Variants in KCTD16 observed in about 807,000 individuals in gnomAD.
KCTD16 encodes potassium channel tetramerization domain containing 16, also known as BTB/POZ domain-containing protein KCTD16.
KCTD16 carries 13 observed loss-of-function variants against 33.2 expected under a neutral mutation model. The observed-to-expected ratio is 0.39, with a 90% CI of 0.25 to 0.62. KCTD16 has a LOEUF of 0.62. Ranked by LOEUF, KCTD16 falls within the 20% of genes least tolerant of loss-of-function variation. The pLI, the probability that KCTD16 is intolerant of heterozygous loss-of-function variation, is 0.50. For synonymous variants in KCTD16, 197 were observed against 195.3 expected (o/e 1.01, Z -0.07); for missense variants, 441 against 525.1 (o/e 0.84, Z 1.57).
chr5:144,364,658 A>G (rs1751792478), intron 3 of KCTD16, among the ~76,000 whole-genome samples: 2 of 152,252 alleles, frequency 1.3e-5, no homozygotes, highest in South Asian at 2.1e-4. Context: ...TCAGATAACC[A>G]TGTACTGCAA....
chr5:144,286,855 C>T (rs1755759733), intron 3 of KCTD16, among the ~76,000 whole-genome samples: 1 of 151,982 alleles, frequency 6.6e-6, no homozygotes, highest in Non-Finnish European at 1.5e-5. Context: ...GTAGTAATGC[C>T]AGTGGTAGTA....
At chr5:144,333,011 C>T (rs2126892559) in intron 3 of KCTD16, among the ~76,000 whole-genome samples, 1 of 152,214 alleles carries the variant, frequency 6.6e-6, no homozygotes, top group South Asian at 2.1e-4. Context: ...AGACATGCCA[C>T]CATGATTCAG....
chr5:144,482,668 G>A lies in KCTD16; in HGVS notation c.*8554G>A, dbSNP rs972662062. On this transcript the variant is annotated 3_prime_UTR_variant, in exon 4 of 4. Coordinates refer to ENST00000512467, the MANE Select transcript of KCTD16 (RefSeq NM_020768.4). Reference sequence around the variant, plus strand: ...GCAGCTTTAGAAAAGAAACTTCACCGAAATACGTGCATGCATGTGTGAGTG... The same window carrying A: ...GCAGCTTTAGAAAAGAAACTTCACCAAAATACGTGCATGCATGTGTGAGTG... 2 of 151,624 alleles carry A rather than the reference G, an allele frequency of 1.3e-5. No homozygotes were observed. 9.4% of individuals were successfully genotyped at this position (151,624 alleles called of 1,614,324 possible).
In KCTD16 at chr5:144,188,533, C is replaced by T. The variant is rs1895146; in HGVS notation, c.-327+14061C>T. ...GTTAGTAGGTAGGACATTTCAACCT[C>T]TGGCAAATTTGTCATTGAGCAGCAT... On this transcript the variant is annotated intron_variant, in intron 2 of 3. Coordinates refer to ENST00000512467, the MANE Select transcript of KCTD16 (RefSeq NM_020768.4). 4.4e-3 allele frequency among the ~76,000 whole-genome samples: 668 copies of T among 152,300 alleles called. 17 individuals are homozygous for T. Among genetic ancestry groups the T allele is most frequent in the Admixed American group, 0.04 (608 of 15,302 alleles).
chr5:144,352,050 GTATA>G (rs1751452792), intron 3 of KCTD16, among the ~76,000 whole-genome samples: 1 of 152,118 alleles, frequency 6.6e-6, no homozygotes, highest in Non-Finnish European at 1.5e-5. Flanking sequence ...AAAAAAATAA[GTATA>G]TGTGTTCGTG....
intron 3 of KCTD16, among the ~76,000 whole-genome samples, chr5:144,467,258 G>A (rs1303614948): frequency 6.6e-6 from 1 of 151,262 alleles, no homozygotes; most frequent in African/African-American, 2.4e-5. Flanking sequence ...CCATTCTAAT[G>A]TCTTTTGCAT....
intron 3 of KCTD16, among the ~76,000 whole-genome samples, chr5:144,392,912 A>G (rs1297705966): frequency 6.6e-6 from 1 of 152,146 alleles, no homozygotes; most frequent in Non-Finnish European, 1.5e-5. Flanking sequence ...ATGGCATAAG[A>G]AGGGAGTACA....
chr5:144,199,327 G>T (rs1321924817), intron 2 of KCTD16, among the ~76,000 whole-genome samples: 3 of 152,132 alleles, frequency 2.0e-5, no homozygotes, highest in Non-Finnish European at 4.4e-5. Flanking sequence ...AGTACATAGA[G>T]CAGACATAAA....
intron 3 of KCTD16, among the ~76,000 whole-genome samples, chr5:144,427,270 A>T: frequency 6.6e-6 from 1 of 152,116 alleles, no homozygotes; most frequent in South Asian, 2.1e-4. Flanking sequence ...GGGGGTGAGT[A>T]TCTTGATCTT....
chr5:144,316,521 T>C (rs1751917805), intron 3 of KCTD16, among the ~76,000 whole-genome samples: 1 of 150,410 alleles, frequency 6.6e-6, no homozygotes, highest in African/African-American at 2.4e-5. Context: ...TTTTTTTTTT[T>C]TTTTTTGAGA....
chr5:144,211,258 A>T (rs568519899), intron 3 of KCTD16, among the ~76,000 whole-genome samples: 175 of 152,278 alleles, frequency 1.1e-3, no homozygotes, highest in Non-Finnish European at 2.1e-3. Context: ...GCTTGACTTT[A>T]ACAAGCTTCA....
At chr5:144,375,062 G>T (rs1376767500) in intron 3 of KCTD16, among the ~76,000 whole-genome samples, 1 of 152,164 alleles carries the variant, frequency 6.6e-6, no homozygotes, top group Non-Finnish European at 1.5e-5. Context: ...TTAATTCTTG[G>T]CAAAGGGATT....
chr5:144,178,380 GTTA>G (rs1752548148), intron 2 of KCTD16, among the ~76,000 whole-genome samples: 1 of 152,098 alleles, frequency 6.6e-6, no homozygotes, highest in African/African-American at 2.4e-5. Flanking sequence ...ATGATTTTTT[GTTA>G]TTAAGACTAA....
At chr5:144,335,270 G>T (rs1752458879) in intron 3 of KCTD16, among the ~76,000 whole-genome samples, 1 of 152,162 alleles carries the variant, frequency 6.6e-6, no homozygotes, top group Non-Finnish European at 1.5e-5. Flanking sequence ...ACAGCATACT[G>T]CTAAAAGTGA....
chr5:144,473,754 C>T lies in KCTD16; in HGVS notation c.927C>T (p.Asp309=), dbSNP rs1172994509. 1 of 1,614,102 alleles carries T rather than the reference C, an allele frequency of 6.2e-7. No homozygotes were observed. Among genetic ancestry groups the T allele is most frequent in the South Asian group, 1.1e-5 (1 of 91,086 alleles). ...GGGAGAGCGGCACGTCTTGCAATGA[C>T]CTCTCCACATCTAGCTGCGACAGCC... is the stretch of plus-strand genomic sequence containing the variant. ...KEGESGTSCN[D]LSTSSCDSQS... The change falls in exon 4 of 4, where the codon GAC becomes GAT. Residue 309 remains aspartate, a synonymous_variant. Transcript: ENST00000512467.
At chr5:144,450,829 A>C (rs1300047007) in intron 3 of KCTD16, among the ~76,000 whole-genome samples, 1 of 152,110 alleles carries the variant, frequency 6.6e-6, no homozygotes, top group Non-Finnish European at 1.5e-5. Flanking sequence ...CTCAATGGGT[A>C]AAAAATTTCA....
chr5:144,280,300 C>G (rs748414473), intron 3 of KCTD16, among the ~76,000 whole-genome samples: 6 of 151,990 alleles, frequency 3.9e-5, no homozygotes, highest in Non-Finnish European at 5.9e-5. Context: ...CCATCTGGGC[C>G]TGGAGTTTTA....
intron 3 of KCTD16, among the ~76,000 whole-genome samples, chr5:144,239,219 C>CA (rs1269889049): frequency 6.6e-6 from 1 of 152,068 alleles, no homozygotes; most frequent in Admixed American, 6.6e-5. Flanking sequence ...AGCCATGATG[C>CA]TATGCAAGGG....
At chr5:144,400,926 AG>A (rs1162535148) in intron 3 of KCTD16, among the ~76,000 whole-genome samples, 2 of 152,152 alleles carry the variant, frequency 1.3e-5, no homozygotes, top group African/African-American at 4.8e-5. Context: ...ATAAGTGCAA[AG>A]GCCAGGAGCT....
Sources: allele counts gnomAD v4.1 joint callset (sites outside exome capture counted in the v4.1 genomes callset), GRCh38; gene constraint gnomAD v4.1.1; transcripts MANE v1.5; gene names NCBI Gene and HGNC (gene_info 2026-07-23, HGNC 2026-07-21).